The following TGFB2 variants were observed in gnomAD, a reference collection of about 807,000 sequenced individuals.
TGFB2 encodes transforming growth factor beta-2 proprotein.
A neutral mutation model predicts 42.7 loss-of-function variants in TGFB2; 13 were observed. That is an observed-to-expected ratio of 0.30 (90% CI 0.20 to 0.48). TGFB2 has a LOEUF of 0.48. Ranked by LOEUF, TGFB2 falls within the 20% of genes least tolerant of loss-of-function variation. TGFB2 has a pLI of 0.99. For synonymous variants in TGFB2, 193 were observed against 193.6 expected, an observed-to-expected ratio of 1.00 and a Z score of 0.03; for missense variants, 390 against 517.5, an observed-to-expected ratio of 0.75 and a Z score of 2.39.
intron 2 of TGFB2, among the ~76,000 whole-genome samples, chr1:218,423,100 A>T (rs578087674): frequency 1.3e-5 from 2 of 152,336 alleles, no homozygotes; most frequent in Non-Finnish European, 2.9e-5. Context: ...TGCTGTAGGT[A>T]AGCCAAGAAA....
intron 2 of TGFB2, among the ~76,000 whole-genome samples, chr1:218,421,743 G>C (rs1319526773): frequency 6.6e-6 from 1 of 152,152 alleles, no homozygotes; most frequent in Non-Finnish European, 1.5e-5. Flanking sequence ...AATTAGTTGA[G>C]ATGAGGTCAT....
intron 1 of TGFB2, among the ~76,000 whole-genome samples, chr1:218,382,930 G>A (rs957083419): frequency 2.0e-5 from 3 of 152,110 alleles, no homozygotes; most frequent in Admixed American, 1.3e-4. Flanking sequence ...GGTATGAGGT[G>A]GTGTTTCTCT....
chr1:218,425,023 C>A (rs2102616426), intron 2 of TGFB2, among the ~76,000 whole-genome samples: 1 of 152,302 alleles, frequency 6.6e-6, no homozygotes, highest in Middle Eastern at 3.4e-3. Context: ...GAAGCCACCT[C>A]TTGTGACTAG....
chr1:218,374,798 C>A (rs928464470), intron 1 of TGFB2, among the ~76,000 whole-genome samples: 5 of 152,152 alleles, frequency 3.3e-5, no homozygotes, highest in Non-Finnish European at 7.3e-5. Context: ...CTGGATGAGA[C>A]CCTGCTCCCT....
chr1:218,385,094 T>A (rs1658089126), intron 1 of TGFB2, among the ~76,000 whole-genome samples: 1 of 152,038 alleles, frequency 6.6e-6, no homozygotes, highest in Admixed American at 6.5e-5. Flanking sequence ...AGGATCTGGG[T>A]TTGATTCTAT....
At chr1:218,395,707 G>T (rs1292554455) in intron 1 of TGFB2, among the ~76,000 whole-genome samples, 1 of 151,610 alleles carries the variant, frequency 6.6e-6, no homozygotes, top group East Asian at 1.9e-4. Context: ...TGCCTCCTGG[G>T]TTCACACCAT....
chr1:218,378,530 T>C (rs1657832216), intron 1 of TGFB2, among the ~76,000 whole-genome samples: 1 of 152,060 alleles, frequency 6.6e-6, no homozygotes, highest in African/African-American at 2.4e-5. Context: ...GCCAGGCTAG[T>C]CTCGAACTTC....
At chr1:218,357,257 A>C (rs1657068829) in intron 1 of TGFB2, among the ~76,000 whole-genome samples, 1 of 151,374 alleles carries the variant, frequency 6.6e-6, no homozygotes, top group Non-Finnish European at 1.5e-5. Context: ...AGGAAGCTGG[A>C]TGAGATGAAG....
At chr1:218,384,318 G>A (rs1288099381) in intron 1 of TGFB2, among the ~76,000 whole-genome samples, 1 of 151,956 alleles carries the variant, frequency 6.6e-6, no homozygotes, top group East Asian at 1.9e-4. Flanking sequence ...AAAAGCGTTA[G>A]CAGGTATGTG....
rs1233836430 is a variant in TGFB2, at chr1:218,443,269, T to A, written c.*1907T>A. The A allele has an allele frequency of 6.6e-6, 1 of 152,206 alleles. No individual in the cohort carries two copies. The highest frequency in any genetic ancestry group is 1.5e-5 in the Non-Finnish European group (1 of 68,032). 9.4% of individuals were successfully genotyped at this position (152,206 alleles called of 1,614,324 possible). A position where few individuals can be genotyped will look rare whatever the true frequency, so the allele number is the denominator to read the frequency against. On this transcript the variant is annotated 3_prime_UTR_variant, in exon 7 of 7. Transcript: ENST00000366930. ...TCCTCATGCTGGGGTTAATAGAATA[T>A]GTCAGTTTATCACTTGTCGCTTATT...
intron 2 of TGFB2, among the ~76,000 whole-genome samples, chr1:218,427,490 C>A (rs1007232648): frequency 1.3e-5 from 2 of 152,114 alleles, no homozygotes; most frequent in Admixed American, 1.3e-4. Flanking sequence ...CCCTCTCCCC[C>A]CACCTCAGGA....
intron 6 of TGFB2, among the ~76,000 whole-genome samples, chr1:218,438,142 C>CA (rs1230520336): frequency 1.3e-5 from 2 of 152,138 alleles, no homozygotes; most frequent in East Asian, 3.9e-4. Context: ...ACCCTGTTCC[C>CA]AGCCTCTGGT....
chr1:218,364,668 AATGT>A, intron 1 of TGFB2, among the ~76,000 whole-genome samples: 1 of 152,304 alleles, frequency 6.6e-6, no homozygotes, highest in East Asian at 1.9e-4. Flanking sequence ...CCTATTCTGC[AATGT>A]ATCATGCCTA....
intron 1 of TGFB2, among the ~76,000 whole-genome samples, chr1:218,370,383 T>A (rs921267929): frequency 1.3e-5 from 2 of 152,208 alleles, no homozygotes; most frequent in African/African-American, 4.8e-5. Context: ...TAATGAGTCA[T>A]GAAACACCAA....
intron 1 of TGFB2, among the ~76,000 whole-genome samples, chr1:218,393,913 T>G (rs1007690819): frequency 1.3e-5 from 2 of 151,356 alleles, no homozygotes; most frequent in Non-Finnish European, 3.0e-5. Context: ...CGGCCTCTTT[T>G]TTTTTTTTTT....
At chr1:218,348,773 G>A (rs759939849) in intron 1 of TGFB2, among the ~76,000 whole-genome samples, 2 of 152,166 alleles carry the variant, frequency 1.3e-5, no homozygotes, top group African/African-American at 2.4e-5. Context: ...CGGTTCTACC[G>A]GTATTTGGGC....
intron 1 of TGFB2, among the ~76,000 whole-genome samples, chr1:218,377,955 AGT>A (rs141734499): frequency 1.3e-5 from 2 of 148,378 alleles, no homozygotes; most frequent in Non-Finnish European, 3.0e-5. Context: ...CATATATTAT[AGT>A]GTGTTTGTTT....
intron 2 of TGFB2, among the ~76,000 whole-genome samples, chr1:218,418,704 G>T (rs11466400): frequency 1.3e-4 from 20 of 152,106 alleles, no homozygotes; most frequent in African/African-American, 4.8e-4. Flanking sequence ...GGAGGTAATT[G>T]AATCATGGGG....
chr1:218,398,415 A>T (rs61823428), intron 1 of TGFB2, among the ~76,000 whole-genome samples: 26,000 of 152,200 alleles, frequency 0.17, 2,567 homozygotes, highest in East Asian at 0.38. Context: ...TGCCCTCCTG[A>T]AGGGCTGAAC....
Sources: allele counts gnomAD v4.1 joint callset (sites outside exome capture counted in the v4.1 genomes callset), GRCh38; gene constraint gnomAD v4.1.1; transcripts MANE v1.5; gene names NCBI Gene and HGNC (gene_info 2026-07-23, HGNC 2026-07-21).